The following IQGAP2 variants were observed in gnomAD, a reference collection of about 807,000 sequenced individuals.
IQGAP2 encodes IQ motif containing GTPase activating protein 2.
In IQGAP2, 173 loss-of-function variants were observed where a neutral mutation model predicts 201.3. The observed-to-expected ratio is 0.86, with a 90% CI of 0.76 to 0.98. The LOEUF (loss-of-function observed/expected upper bound fraction) is 0.98. Ranked by LOEUF, IQGAP2 falls within the 50% of genes least tolerant of loss-of-function variation. The pLI is 0.00. For synonymous variants in IQGAP2, 675 were observed against 673.9 expected (o/e 1.00, Z -0.03); for missense variants, 1,687 against 1,864.8 (o/e 0.90, Z 1.76).
intron 1 of IQGAP2, among the ~76,000 whole-genome samples, chr5:76,434,211 A>G (rs1019014452): frequency 1.3e-5 from 2 of 152,322 alleles, no homozygotes; most frequent in Admixed American, 6.5e-5. Flanking sequence ...AAATTTCAAT[A>G]GCTTTGGGGG....
At chr5:76,614,901 A>G (rs1482530472) in intron 13 of IQGAP2, among the ~76,000 whole-genome samples, 1 of 152,228 alleles carries the variant, frequency 6.6e-6, no homozygotes, top group African/African-American at 2.4e-5. Flanking sequence ...GCCAAAGGCT[A>G]CAGCCATTAA....
chr5:76,654,207 C>A lies in IQGAP2; in HGVS notation c.2186C>A (p.Ser729Tyr). Residue 729 changes from serine (S) to tyrosine (Y), a missense_variant, in exon 19 of 36, where the codon TCC becomes TAC. Coordinates refer to ENST00000274364, the MANE Select transcript of IQGAP2 (RefSeq NM_006633.5). The part of the protein sequence containing the change: ...DNTDSIVKIQ[S>Y]WFRMATARKS... The stretch of plus-strand genomic sequence containing the variant: ...TTTTTTAAAACCTTTCAGATTCAGT[C>A]CTGGTTCCGAATGGCAACTGCAAGA... The A allele has an allele frequency of 6.2e-7, 1 of 1,606,812 alleles. No homozygotes were observed. Among genetic ancestry groups the A allele is most frequent in the South Asian group, 1.1e-5 (1 of 90,228 alleles).
intron 2 of IQGAP2, among the ~76,000 whole-genome samples, chr5:76,468,246 G>A (rs1378800734): frequency 3.3e-5 from 5 of 152,018 alleles, no homozygotes; most frequent in Admixed American, 2.0e-4. Context: ...TAAGATACAC[G>A]AGATATCTAA....
intron 5 of IQGAP2, among the ~76,000 whole-genome samples, chr5:76,580,287 A>G (rs1036476256): frequency 4.0e-5 from 6 of 148,900 alleles, no homozygotes; most frequent in Admixed American, 4.0e-4. Context: ...ATTAAAAGAA[A>G]AAAAAAAAAG....
At chr5:76,690,709 C>CA (rs1190183900) in intron 30 of IQGAP2, among the ~76,000 whole-genome samples, 2 of 151,962 alleles carry the variant, frequency 1.3e-5, no homozygotes, top group Non-Finnish European at 2.9e-5. Flanking sequence ...CCAATATATC[C>CA]AAAAATATTT....
chr5:76,527,376 A>G (rs1480357722), intron 2 of IQGAP2, among the ~76,000 whole-genome samples: 1 of 152,148 alleles, frequency 6.6e-6, no homozygotes, highest in Non-Finnish European at 1.5e-5. Context: ...TGACTTCTCC[A>G]ACTCTGCCAG....
chr5:76,640,550 G>A (rs1440521844), intron 16 of IQGAP2, among the ~76,000 whole-genome samples: 1 of 152,178 alleles, frequency 6.6e-6, no homozygotes, highest in Non-Finnish European at 1.5e-5. Context: ...TATGGCCATT[G>A]CAGTCTTTTC....
chr5:76,496,761 C>CTTTCTTTTCTTTCTTTCTTTCT (rs1561416549), intron 2 of IQGAP2, among the ~76,000 whole-genome samples: 1 of 89,048 alleles, frequency 1.1e-5, no homozygotes, highest in Non-Finnish European at 2.1e-5. Flanking sequence ...TTCTTTCTTT[C>CTTTCTTTTCTTTCTTTCTTTCT]TTTCTTTCTT....
intron 1 of IQGAP2, among the ~76,000 whole-genome samples, chr5:76,414,335 C>T (rs935620661): frequency 1.3e-5 from 2 of 152,040 alleles, no homozygotes; most frequent in Non-Finnish European, 2.9e-5. Flanking sequence ...ATTCACCTGC[C>T]CCCTAAACTG....
At chr5:76,508,030 G>A (rs1185110904) in intron 2 of IQGAP2, among the ~76,000 whole-genome samples, 12 of 138,604 alleles carry the variant, frequency 8.7e-5, no homozygotes, top group Non-Finnish European at 1.7e-4. Flanking sequence ...AAAAAAAATG[G>A]GCCAAAGATA....
intron 10 of IQGAP2, among the ~76,000 whole-genome samples, chr5:76,599,648 A>G (rs1279899344): frequency 6.6e-6 from 1 of 152,182 alleles, no homozygotes; most frequent in Non-Finnish European, 1.5e-5. Flanking sequence ...ATTTGCTTTG[A>G]AAGATTAAAC....
At chr5:76,429,357 G>A (rs1752199788) in intron 1 of IQGAP2, among the ~76,000 whole-genome samples, 1 of 151,502 alleles carries the variant, frequency 6.6e-6, no homozygotes, top group South Asian at 2.1e-4. Context: ...CAGATCACGA[G>A]GTCCGGAGAT....
At position 76,600,499 on chromosome 5, in the gene IQGAP2, A is replaced by G. The variant is rs1428617251; in HGVS notation, c.1072-313A>G. On this transcript the variant is annotated intron_variant, in intron 10 of 35. Transcript: ENST00000274364. The stretch of plus-strand genomic sequence containing the variant: ...GTTATCTAGTCCTTGGCTTAATTAT[A>G]TGGCTGGACTGAGCCTTTAAGCAAC... Among the ~76,000 whole-genome samples, 4 of 152,140 alleles carry G rather than the reference A, an allele frequency of 2.6e-5. 1 individual carries two copies. Among genetic ancestry groups the G allele is most frequent in the South Asian group, 4.1e-4 (2 of 4,826 alleles).
chr5:76,540,654 G>T (rs1209450451), intron 2 of IQGAP2, among the ~76,000 whole-genome samples: 1 of 152,202 alleles, frequency 6.6e-6, no homozygotes, highest in Non-Finnish European at 1.5e-5. Context: ...CAATTTGAGG[G>T]TGCGGAACAT....
chr5:76,531,278 T>C (rs747729350), intron 2 of IQGAP2, among the ~76,000 whole-genome samples: 1 of 152,178 alleles, frequency 6.6e-6, no homozygotes, highest in African/African-American at 2.4e-5. Flanking sequence ...AATTTTAATG[T>C]TTTTAGAGAC....
intron 2 of IQGAP2, among the ~76,000 whole-genome samples, chr5:76,511,703 C>A (rs1217019986): frequency 4.9e-5 from 7 of 142,710 alleles, no homozygotes; most frequent in African/African-American, 1.1e-4. Context: ...TTTTTTGAGA[C>A]GGAGTCTCGC....
At chr5:76,653,835 T>C (rs1279502213) in intron 18 of IQGAP2, among the ~76,000 whole-genome samples, 3 of 152,194 alleles carry the variant, frequency 2.0e-5, no homozygotes, top group African/African-American at 4.8e-5. Context: ...GAAGAAACCC[T>C]AGACTTAGTT....
At chr5:76,483,969 AC>A (rs1755956543) in intron 2 of IQGAP2, among the ~76,000 whole-genome samples, 1 of 151,984 alleles carries the variant, frequency 6.6e-6, no homozygotes, top group African/African-American at 2.4e-5. Flanking sequence ...CCCCTAAAGA[AC>A]TAGGGGACGC....
At chr5:76,636,986 T>G (rs750151774) in intron 15 of IQGAP2, 48 bp from the exon 16 acceptor site, 1 of 1,455,186 alleles carries the variant, frequency 6.9e-7, no homozygotes, top group East Asian at 2.3e-5. Context: ...CACTAATGTT[T>G]AAGGGTTCAC....
Sources: allele counts gnomAD v4.1 joint callset (sites outside exome capture counted in the v4.1 genomes callset), GRCh38; gene constraint gnomAD v4.1.1; transcripts MANE v1.5; gene names NCBI Gene and HGNC (gene_info 2026-07-23, HGNC 2026-07-21).